Variants in COL14A1 observed in about 807,000 individuals in gnomAD.
COL14A1 encodes the protein collagen type XIV alpha 1 chain, also known as collagen alpha-1(XIV) chain.
A neutral mutation model predicts 230.3 loss-of-function variants in COL14A1; 136 were observed. The ratio of observed to expected loss-of-function variants is 0.59; its 90% CI spans 0.51 to 0.68. The LOEUF is 0.68. COL14A1 is among the 30% of genes least tolerant of loss of function. The probability of loss-of-function intolerance (pLI) is 0.00; values close to 1 mark genes in which losing one functional copy is unlikely to be tolerated. For missense variants in COL14A1, 1,976 were observed against 2,215.8 expected, an observed-to-expected ratio of 0.89 and a Z score of 2.17; for synonymous variants, 792 against 784.1, an observed-to-expected ratio of 1.01 and a Z score of -0.17.
intron 8 of COL14A1, among the ~76,000 whole-genome samples, chr8:120,200,069 C>CTATATATATATAT (rs1817184462): frequency 2.7e-5 from 1 of 37,030 alleles, no homozygotes; most frequent in African/African-American, 2.4e-4. Flanking sequence ...ATATAGATAG[C>CTATATATATATAT]ATACATTCAG....
At chr8:120,232,416 C>T (rs1818302432) in intron 19 of COL14A1, among the ~76,000 whole-genome samples, 1 of 152,130 alleles carries the variant, frequency 6.6e-6, no homozygotes, top group African/African-American at 2.4e-5. Flanking sequence ...TATCCCTCCC[C>T]TTGCCCCACA....
At chr8:120,363,027 A>G (rs924834822) in intron 45 of COL14A1, among the ~76,000 whole-genome samples, 1 of 152,186 alleles carries the variant, frequency 6.6e-6, no homozygotes, top group Non-Finnish European at 1.5e-5. Flanking sequence ...ACCACCACAC[A>G]AGGAACTTGT....
At chr8:120,200,706 T>C (rs1421843115) in intron 8 of COL14A1, among the ~76,000 whole-genome samples, 1 of 120,154 alleles carries the variant, frequency 8.3e-6, no homozygotes, top group Non-Finnish European at 1.7e-5. Flanking sequence ...TCCTAAAAAG[T>C]TTTCCTATTT....
intron 2 of COL14A1, among the ~76,000 whole-genome samples, chr8:120,151,824 G>A (rs776560437): frequency 3.3e-5 from 5 of 151,948 alleles, no homozygotes; most frequent in Non-Finnish European, 5.9e-5. Flanking sequence ...GGATTTTCTG[G>A]GTGGGCCCAA....
At chr8:120,298,227 T>C (rs926752131) in intron 35 of COL14A1, among the ~76,000 whole-genome samples, 4 of 151,928 alleles carry the variant, frequency 2.6e-5, no homozygotes, top group Admixed American at 1.3e-4. Context: ...AAATCTAATG[T>C]TGAAACTGCA....
At chr8:120,191,503 GA>G (rs1305234467) in intron 5 of COL14A1, among the ~76,000 whole-genome samples, 4 of 150,648 alleles carry the variant, frequency 2.7e-5, no homozygotes, top group African/African-American at 9.7e-5. Context: ...GTGTGGTGCT[GA>G]AAAAAATGTA....
At chr8:120,264,720 G>A (rs778849147) in intron 24 of COL14A1, among the ~76,000 whole-genome samples, 4 of 152,128 alleles carry the variant, frequency 2.6e-5, no homozygotes, top group Non-Finnish European at 5.9e-5. Flanking sequence ...GCAGCACTAA[G>A]TATCTATCTT....
intron 41 of COL14A1, 81 bp downstream of exon 41, chr8:120,332,275 CT>C (rs1821896563): frequency 2.3e-6 from 3 of 1,325,066 alleles, no homozygotes; most frequent in Admixed American, 1.7e-5. Flanking sequence ...TTTGCCAGAT[CT>C]TTTACCAGCA....
Position 120,256,450 on chromosome 8 carries a change from C to T in COL14A1, c.2869+1094C>T, listed in dbSNP as rs16893767. 2.7e-3 allele frequency among the ~76,000 whole-genome samples: 416 copies of T among 152,216 alleles called. 4 individuals carry two copies. The highest frequency in any genetic ancestry group is 9.1e-3 in the African/African-American group (378 of 41,516). On this transcript the variant is annotated intron_variant, in intron 23 of 47. Transcript: ENST00000297848. ...TAAGAACTGAGATACGTGGAACATA[C>T]GAGAAGAAATTCCTGCCAATCCCAG...
intron 45 of COL14A1, among the ~76,000 whole-genome samples, chr8:120,362,600 A>G (rs569865109): frequency 6.6e-6 from 1 of 152,204 alleles, no homozygotes; most frequent in Non-Finnish European, 1.5e-5. Context: ...GGCAACCTGA[A>G]GTGGTTTCTA....
intron 36 of COL14A1, among the ~76,000 whole-genome samples, chr8:120,307,868 A>C (rs187870478): frequency 1.5e-4 from 23 of 152,378 alleles, no homozygotes; most frequent in African/African-American, 5.5e-4. Context: ...TATATCTGCA[A>C]ATTTATCAAC....
intron 21 of COL14A1, among the ~76,000 whole-genome samples, chr8:120,248,690 CTACAAAAA>C (rs962968785): frequency 6.6e-6 from 1 of 151,942 alleles, no homozygotes; most frequent in African/African-American, 2.4e-5. Context: ...GACCCAGTCT[CTACAAAAA>C]TACAAAAATT....
intron 5 of COL14A1, 34 bp downstream of exon 5, chr8:120,168,281 G>A: frequency 6.6e-7 from 1 of 1,505,426 alleles, no homozygotes; most frequent in Non-Finnish European, 9.2e-7. Flanking sequence ...CATATTGGGA[G>A]TTGGGTTGTT....
intron 26 of COL14A1, chr8:120,277,472 A>G (rs1450159205): frequency 2.0e-5 from 3 of 152,120 alleles, no homozygotes; most frequent in Non-Finnish European, 4.4e-5. Context: ...ATGCACTCCT[A>G]TGTTCATTGC....
intron 37 of COL14A1, among the ~76,000 whole-genome samples, chr8:120,310,684 C>T (rs968842121): frequency 5.9e-5 from 9 of 152,226 alleles, no homozygotes; most frequent in African/African-American, 2.2e-4. Flanking sequence ...ACCATCTTCT[C>T]TCCAGCTCTT....
intron 19 of COL14A1, among the ~76,000 whole-genome samples, chr8:120,233,859 T>A (rs544838843): frequency 7.2e-5 from 11 of 152,332 alleles, no homozygotes; most frequent in African/African-American, 2.6e-4. Context: ...GCGAAAAAAG[T>A]CAATGGTAGC....
rs112987227 is a variant in COL14A1, at chr8:120,136,534, C to T, written c.-38+11194C>T. On this transcript the variant is annotated intron_variant, in intron 1 of 47. Transcript: ENST00000297848. ...TATTACATTCCTGTAATAAGCTCTACTTGGTCATCATTATTATTATTTTTT... is the reference window on the plus strand; with the variant it reads ...TATTACATTCCTGTAATAAGCTCTATTTGGTCATCATTATTATTATTTTTT... Among the ~76,000 whole-genome samples, 1,217 of 152,064 alleles carry T rather than the reference C, an allele frequency of 8.0e-3. 13 individuals carry two copies. The highest frequency in any genetic ancestry group is 0.026 in the African/African-American group (1,077 of 41,488).
Position 120,136,480 on chromosome 8 carries a change from T to C in COL14A1, c.-38+11140T>C, listed in dbSNP as rs1483245279. On this transcript the variant is annotated intron_variant, in intron 1 of 47. Coordinates refer to ENST00000297848, the MANE Select transcript of COL14A1 (RefSeq NM_021110.4). ...CCTGAGGGAAGAAACATACTAAACA[T>C]GCTAAATGATTTAAAAATATTAAAC... 2.6e-5 allele frequency among the ~76,000 whole-genome samples: 4 copies of C among 152,084 alleles called. No homozygotes were observed. In the East Asian group the frequency reaches 7.7e-4, roughly 29 times the overall value.
chr8:120,242,539 G>A (rs769276517), intron 19 of COL14A1, among the ~76,000 whole-genome samples: 5 of 152,170 alleles, frequency 3.3e-5, no homozygotes, highest in African/African-American at 4.8e-5. Context: ...GAAACACCCT[G>A]AGGGAAGCTA....
Sources: allele counts gnomAD v4.1 joint callset (sites outside exome capture counted in the v4.1 genomes callset), GRCh38; gene constraint gnomAD v4.1.1; transcripts MANE v1.5; gene names NCBI Gene and HGNC (gene_info 2026-07-23, HGNC 2026-07-21).